CDH4: variants seen among roughly 807,000 people sequenced by gnomAD.
CDH4 encodes cadherin 4.
A neutral mutation model predicts 86.0 loss-of-function variants in CDH4; 33 were observed. The observed-to-expected ratio is 0.38, with a 90% CI of 0.29 to 0.51. The LOEUF (loss-of-function observed/expected upper bound fraction) is 0.51. Among genes scored for constraint, CDH4 ranks in the 20% least tolerant of loss-of-function variants. The probability of loss-of-function intolerance (pLI) is 0.86; values close to 1 mark genes in which losing one functional copy is unlikely to be tolerated. For missense variants in CDH4, 1,114 were observed against 1,307.4 expected (o/e 0.85, Z 2.28); for synonymous variants, 555 against 549.4 (o/e 1.01, Z -0.14).
intron 4 of CDH4, among the ~76,000 whole-genome samples, chr20:61,836,122 C>G (rs906107394): frequency 6.6e-6 from 1 of 152,236 alleles, no homozygotes; most frequent in Non-Finnish European, 1.5e-5. Flanking sequence ...GTGAGAGAAG[C>G]TGATTGACCC....
intron 3 of CDH4, among the ~76,000 whole-genome samples, chr20:61,744,858 C>G (rs1206149406): frequency 6.6e-6 from 1 of 152,218 alleles, no homozygotes; most frequent in Non-Finnish European, 1.5e-5. Flanking sequence ...GCCAGGTCCC[C>G]TTCGCCTTGA....
chr20:61,675,954 C>T (rs1399725756), intron 2 of CDH4, among the ~76,000 whole-genome samples: 1 of 152,246 alleles, frequency 6.6e-6, no homozygotes, highest in Admixed American at 6.5e-5. Context: ...AGGCCCACTG[C>T]ACACTCAGCC....
intron 2 of CDH4, among the ~76,000 whole-genome samples, chr20:61,308,180 G>A (rs117116515): frequency 0.016 from 2,508 of 152,318 alleles, 38 homozygotes; most frequent in Middle Eastern, 0.027. Flanking sequence ...ATGGCCCCAC[G>A]TGAGCCTCTT....
intron 2 of CDH4, among the ~76,000 whole-genome samples, chr20:61,533,517 G>A (rs774757938): frequency 2.0e-5 from 3 of 152,384 alleles, no homozygotes; most frequent in East Asian, 1.9e-4. Context: ...CCTGAGGACC[G>A]GGGCTCAGCC....
At chr20:61,551,826 A>G (rs1568889306) in intron 2 of CDH4, among the ~76,000 whole-genome samples, 1 of 152,236 alleles carries the variant, frequency 6.6e-6, no homozygotes, top group Non-Finnish European at 1.5e-5. Flanking sequence ...AAGTGAACCC[A>G]TACTTCTATG....
chr20:61,571,115 G>A (rs2145705446), intron 2 of CDH4, among the ~76,000 whole-genome samples: 1 of 152,300 alleles, frequency 6.6e-6, no homozygotes, highest in South Asian at 2.1e-4. Flanking sequence ...CCTCGGCGTG[G>A]CTGTGTGAAT....
At chr20:61,798,787 C>A (rs973698717) in intron 4 of CDH4, among the ~76,000 whole-genome samples, 2 of 152,240 alleles carry the variant, frequency 1.3e-5, no homozygotes, top group Non-Finnish European at 2.9e-5. Flanking sequence ...TGCCAGTGGT[C>A]AGTCTGGCAG....
chr20:61,662,979 C>T (rs374072197), intron 2 of CDH4, among the ~76,000 whole-genome samples: 1 of 152,100 alleles, frequency 6.6e-6, no homozygotes, highest in Non-Finnish European at 1.5e-5. Flanking sequence ...CCCTCAGGGC[C>T]TCTCCTCCTC....
intron 2 of CDH4, among the ~76,000 whole-genome samples, chr20:61,594,730 C>T (rs920251618): frequency 1.1e-4 from 17 of 152,206 alleles, no homozygotes; most frequent in Admixed American, 7.8e-4. Context: ...GCAGTGAAGA[C>T]GCCGCCGTGT....
At chr20:61,444,908 CGTGTGTGTGTCTGT>C (rs1301708387) in intron 2 of CDH4, among the ~76,000 whole-genome samples, 10 of 138,356 alleles carry the variant, frequency 7.2e-5, no homozygotes, top group African/African-American at 2.1e-4. Context: ...TGTGTGTCTG[CGTGTGTGTGTCTGT>C]GTGTGTCTGT....
chr20:61,633,229 TCATC>T (rs989941310), intron 2 of CDH4, among the ~76,000 whole-genome samples: 2 of 149,994 alleles, frequency 1.3e-5, no homozygotes, highest in Non-Finnish European at 3.0e-5. Flanking sequence ...ATTCATTCAT[TCATC>T]CATCCATCTA....
intron 2 of CDH4, among the ~76,000 whole-genome samples, chr20:61,275,843 A>T (rs1484142752): frequency 6.6e-6 from 1 of 152,136 alleles, no homozygotes; most frequent in African/African-American, 2.4e-5. Context: ...TTGCTAACAT[A>T]TTGCACTGTT....
intron 7 of CDH4, among the ~76,000 whole-genome samples, chr20:61,890,545 G>C (rs141718656): frequency 1.2e-3 from 176 of 151,776 alleles, no homozygotes; most frequent in African/African-American, 3.9e-3. Flanking sequence ...GATTATGAAT[G>C]GATGGATGGG....
intron 2 of CDH4, among the ~76,000 whole-genome samples, chr20:61,613,206 A>G (rs2086698883): frequency 6.6e-6 from 1 of 152,048 alleles, no homozygotes; most frequent in South Asian, 2.1e-4. Flanking sequence ...TCCCCTTGAC[A>G]GCCCCTAGTC....
intron 7 of CDH4, among the ~76,000 whole-genome samples, chr20:61,889,803 TGG>T: frequency 6.8e-6 from 1 of 146,202 alleles, no homozygotes; most frequent in East Asian, 2.1e-4. Context: ...TGGTGGATGG[TGG>T]ATGATGGATG....
At chr20:61,256,465 C>G (rs540785597) in intron 2 of CDH4, among the ~76,000 whole-genome samples, 1 of 152,348 alleles carries the variant, frequency 6.6e-6, no homozygotes, top group South Asian at 2.1e-4. Context: ...AAACAAGGAT[C>G]TCTTCCCTTT....
chr20:61,785,243 G>A (rs561321787), intron 4 of CDH4, among the ~76,000 whole-genome samples: 67 of 152,226 alleles, frequency 4.4e-4, no homozygotes, highest in Non-Finnish European at 9.0e-4. Context: ...CTCACACCAC[G>A]TGGCATTTCC....
intron 4 of CDH4, among the ~76,000 whole-genome samples, chr20:61,838,540 G>A (rs1011962885): frequency 2.0e-5 from 3 of 152,090 alleles, no homozygotes; most frequent in Non-Finnish European, 2.9e-5. Context: ...GGCCAGGCAC[G>A]GTGGCTCACA....
At chr20:61,297,032 AG>A (rs2084358804) in intron 2 of CDH4, among the ~76,000 whole-genome samples, 1 of 152,190 alleles carries the variant, frequency 6.6e-6, no homozygotes, top group South Asian at 2.1e-4. Context: ...TGAGCTTCAG[AG>A]GAGCAGTTCT....
Sources: gnomAD v4.1 joint callset for allele counts (sites outside exome capture counted in the v4.1 genomes callset) on GRCh38, gnomAD v4.1.1 for gene constraint, MANE v1.5 for transcripts, NCBI Gene and HGNC (gene_info 2026-07-23, HGNC 2026-07-21) for gene names.